Variants in ACSBG2 observed in about 807,000 individuals in gnomAD.
ACSBG2 encodes long-chain-fatty-acid--CoA ligase ACSBG2.
In ACSBG2, 62 loss-of-function variants were observed where a neutral mutation model predicts 74.7. The ratio of observed to expected loss-of-function variants is 0.83; its 90% CI spans 0.68 to 1.03. The LOEUF (loss-of-function observed/expected upper bound fraction) is 1.03. Among genes scored for constraint, ACSBG2 ranks in the 50% least tolerant of loss-of-function variants. ACSBG2 has a pLI of 0.00. For synonymous variants in ACSBG2, 309 were observed against 294.1 expected, an observed-to-expected ratio of 1.05 and a Z score of -0.52; for missense variants, 730 against 817.6, an observed-to-expected ratio of 0.89 and a Z score of 1.31.
rs546873769 is a variant in ACSBG2, at chr19:6,158,231, A to AT, written c.507+1687dup. Among the ~76,000 whole-genome samples the AT allele has an allele frequency of 6.0e-5, 9 of 150,538 alleles. No individual in the cohort carries two copies. In the East Asian group the frequency reaches 7.8e-4, roughly 13 times the overall value. On this transcript the variant is annotated intron_variant, in intron 5 of 14. Coordinates refer to ENST00000588485, the MANE Select transcript of ACSBG2 (RefSeq NM_030924.5). ...CCACCATGTCCAGCTAATTTTTTGTATTTTTTTAGTAGAGACAGGGTTTCA... is the reference window on the plus strand; with the variant it reads ...CCACCATGTCCAGCTAATTTTTTGTATTTTTTTTAGTAGAGACAGGGTTTCA...
chr19:6,179,872 C>T (rs2090196214), intron 8 of ACSBG2, among the ~76,000 whole-genome samples: 1 of 152,110 alleles, frequency 6.6e-6, no homozygotes, highest in African/African-American at 2.4e-5. Context: ...CTCAGCCTCC[C>T]AAAATGCTGG....
chr19:6,185,428 C>T lies in ACSBG2; in HGVS notation c.1323-8C>T, dbSNP rs2090377373. On this transcript the variant is annotated splice_region_variant and splice_polypyrimidine_tract_variant and intron_variant, in intron 10 of 14. Transcript: ENST00000588485. ...TGAGCCTGTTTCTCTGCTTCTGTCC[C>T]CTGGCAGCTGTGGCAAGATCTTGAC... 2 of 1,613,940 alleles carry T rather than the reference C, an allele frequency of 1.2e-6. No homozygotes were observed. Among genetic ancestry groups the T allele is most frequent in the Non-Finnish European group, 1.7e-6 (2 of 1,179,974 alleles).
At chr19:6,145,852 A>C (rs1044713917) in intron 2 of ACSBG2, among the ~76,000 whole-genome samples, 2 of 152,024 alleles carry the variant, frequency 1.3e-5, no homozygotes, top group South Asian at 2.1e-4. Context: ...AACACAACAC[A>C]AGTGTGTTTC....
At chr19:6,140,234 A>G (rs1035298084) in intron 1 of ACSBG2, among the ~76,000 whole-genome samples, 1 of 150,992 alleles carries the variant, frequency 6.6e-6, no homozygotes, top group Non-Finnish European at 1.5e-5. Context: ...CAAAAAAAAA[A>G]AAAAAGGAAT....
chr19:6,185,456 G>T lies in ACSBG2; in HGVS notation c.1343G>T (p.Gly448Val). The change falls in exon 11 of 15, where the codon GGG (glycine) becomes GTG (valine). Residue 448 changes from glycine to valine, a missense_variant. Coordinates refer to ENST00000588485, the MANE Select transcript of ACSBG2 (RefSeq NM_030924.5). ...RLLSCGKILT[G>V]CKNMLFQQNK... is the part of the protein sequence containing the mutation. ...GGCAGCTGTGGCAAGATCTTGACTG[G>T]GTGTAAGAATATGCTGTTCCAGCAG... is the stretch of plus-strand genomic sequence containing the variant. The T allele has an allele frequency of 6.2e-7, 1 of 1,614,148 alleles. No homozygotes were observed. Among genetic ancestry groups the T allele is most frequent in the Non-Finnish European group, 8.5e-7 (1 of 1,180,028 alleles).
At position 6,163,325 on chromosome 19, in the gene ACSBG2, C is replaced by G. The variant is rs2089687233; in HGVS notation, c.588+2030C>G. 2.2e-5 allele frequency among the ~76,000 whole-genome samples: 2 copies of G among 89,928 alleles called. 1 individual carries two copies. Among genetic ancestry groups the G allele is most frequent in the Non-Finnish European group, 5.2e-5 (2 of 38,426 alleles). 59.0% of individuals were successfully genotyped at this position (89,928 alleles called of 152,430 possible). On this transcript the variant is annotated intron_variant, in intron 6 of 14. Transcript: ENST00000588485. ...ATTAGCTGGGCATGGTGGCATGCGC[C>G]TGTAGTCCCAGCTGCTCAGGAGGCT...
intron 5 of ACSBG2, among the ~76,000 whole-genome samples, chr19:6,160,285 G>C (rs539409977): frequency 7.0e-4 from 106 of 151,738 alleles, no homozygotes; most frequent in African/African-American, 2.5e-3. Context: ...AGCTACTCGG[G>C]AGGCTGAGGC....
intron 3 of ACSBG2, among the ~76,000 whole-genome samples, chr19:6,149,185 G>C (rs1600022820): frequency 6.6e-6 from 1 of 152,282 alleles, no homozygotes; most frequent in Admixed American, 6.5e-5. Context: ...GGAGACCCAA[G>C]TAGAAATTAG....
chr19:6,172,662 A>C (rs1033055872), intron 7 of ACSBG2, among the ~76,000 whole-genome samples: 3 of 152,188 alleles, frequency 2.0e-5, no homozygotes, highest in Non-Finnish European at 4.4e-5. Context: ...TGCAGGACTG[A>C]GGGTGTGGAG....
chr19:6,141,387 C>T, intron 1 of ACSBG2, 126 bp from the exon 2 acceptor site: 1 of 604,460 alleles, frequency 1.7e-6, no homozygotes, highest in Non-Finnish European at 3.0e-6. Context: ...CCTCCCAGGC[C>T]CAGGACAGGC....
At chr19:6,149,504 CTTTTTT>C (rs556996493) in intron 3 of ACSBG2, among the ~76,000 whole-genome samples, 1,918 of 127,906 alleles carry the variant, frequency 0.015, 16 homozygotes, top group South Asian at 0.047. Context: ...ACATGTGCAA[CTTTTTT>C]TTTTTTTTTT....
intron 5 of ACSBG2, among the ~76,000 whole-genome samples, chr19:6,160,984 C>T (rs2089589216): frequency 6.6e-6 from 1 of 151,920 alleles, no homozygotes; most frequent in South Asian, 2.1e-4. Flanking sequence ...CCTGCAATCC[C>T]AGATACTCAG....
Position 6,151,615 on chromosome 19 carries a change from T to C in ACSBG2, c.298-92T>C, listed in dbSNP as rs917757447. 56 of 1,301,032 alleles carry C rather than the reference T, an allele frequency of 4.3e-5. No individual in the cohort carries two copies. The South Asian group carries it at 6.4e-4, about 15-fold the overall frequency. The allele number at this position is 1,301,032 out of a possible 1,614,324, so 80.6% of individuals were successfully genotyped here. A position where few individuals can be genotyped will look rare whatever the true frequency, so the allele number is the denominator to read the frequency against. On this transcript the variant is annotated intron_variant, in intron 3 of 14. Coordinates refer to ENST00000588485, the MANE Select transcript of ACSBG2 (RefSeq NM_030924.5). ...TGTGAGCCACTGCGCCTGGCCTCCATGTGACTACCTTTGATTCTGTCGTCA... is the reference window on the plus strand; with the variant it reads ...TGTGAGCCACTGCGCCTGGCCTCCACGTGACTACCTTTGATTCTGTCGTCA...
chr19:6,192,140 A>G (rs912062912), intron 14 of ACSBG2: 2 of 150,914 alleles, frequency 1.3e-5, no homozygotes, highest in Non-Finnish European at 2.9e-5. Context: ...TTTTGATTAC[A>G]TGTTGAGATG....
In ACSBG2 at chr19:6,145,098, G is replaced by C. The variant is rs564916688; in HGVS notation, c.68-2348G>C. Among the ~76,000 whole-genome samples, 418 of 152,184 alleles carry C rather than the reference G, an allele frequency of 2.7e-3. 6 individuals carry two copies. The highest frequency in any genetic ancestry group is 2.4e-4 in the Non-Finnish European group (16 of 67,998). ...ATCTATGAGGCCCATGTCTAGTCAA[G>C]GGGAAAAAGTAGCATCCCGGCCGGG... On this transcript the variant is annotated intron_variant, in intron 2 of 14. Coordinates refer to ENST00000588485, the MANE Select transcript of ACSBG2 (RefSeq NM_030924.5).
intron 14 of ACSBG2, 120 bp downstream of exon 14, chr19:6,190,812 T>TACATAC (rs2090543132): frequency 1.2e-5 from 4 of 336,720 alleles, no homozygotes; most frequent in South Asian, 5.8e-5. Context: ...CACACATACA[T>TACATAC]ACACACACAC....
At chr19:6,140,329 A>G (rs1419704329) in intron 1 of ACSBG2, among the ~76,000 whole-genome samples, 1 of 152,030 alleles carries the variant, frequency 6.6e-6, no homozygotes, top group Admixed American at 6.6e-5. Flanking sequence ...CCAATTAATG[A>G]CTATGCAAAA....
chr19:6,137,626 T>G (rs1019429577), intron 1 of ACSBG2, among the ~76,000 whole-genome samples: 6 of 151,988 alleles, frequency 3.9e-5, no homozygotes, highest in Admixed American at 2.0e-4. Flanking sequence ...TTTTATTTAT[T>G]TATTTATGTA....
At chr19:6,170,975 CTT>C (rs113309896) in intron 7 of ACSBG2, among the ~76,000 whole-genome samples, 1 of 145,864 alleles carries the variant, frequency 6.9e-6, no homozygotes, top group African/African-American at 2.5e-5. Flanking sequence ...CTTTCTTTGT[CTT>C]TTTTTTTTTC....
Sources: gnomAD v4.1 joint callset for allele counts (sites outside exome capture counted in the v4.1 genomes callset) on GRCh38, gnomAD v4.1.1 for gene constraint, MANE v1.5 for transcripts, NCBI Gene and HGNC (gene_info 2026-07-23, HGNC 2026-07-21) for gene names.